Variants in TTC28 observed in about 807,000 individuals in gnomAD.
The protein encoded by TTC28 is tetratricopeptide repeat domain 28.
In TTC28, 61 loss-of-function variants were observed where a neutral mutation model predicts 198.0. The ratio of observed to expected loss-of-function variants is 0.31; its 90% CI spans 0.25 to 0.38. The LOEUF (loss-of-function observed/expected upper bound fraction) is 0.38. Ranked by LOEUF, TTC28 falls within the 10% of genes least tolerant of loss-of-function variation. TTC28 has a pLI of 1.00. For synonymous variants in TTC28, 1,171 were observed against 1,297.8 expected (o/e 0.90, Z 2.10); for missense variants, 2,678 against 3,164.0 (o/e 0.85, Z 3.69).
chr22:28,592,651 T>C (rs1465824195), intron 2 of TTC28, among the ~76,000 whole-genome samples: 1 of 152,154 alleles, frequency 6.6e-6, no homozygotes, highest in Non-Finnish European at 1.5e-5. Context: ...ACCCAGATTT[T>C]TTTCCTCCTC....
At chr22:28,018,306 C>CGCGCGCGCGCACGCGCGCG (rs1451764096) in intron 13 of TTC28, among the ~76,000 whole-genome samples, 2 of 49,194 alleles carry the variant, frequency 4.1e-5, no homozygotes, top group African/African-American at 1.2e-4. Context: ...TGTGCGCGCG[C>CGCGCGCGCGCACGCGCGCG]GGGGGGGGGG....
chr22:28,259,208 G>C (rs1292939186), intron 5 of TTC28, among the ~76,000 whole-genome samples: 2 of 152,030 alleles, frequency 1.3e-5, no homozygotes, highest in East Asian at 3.9e-4. Context: ...TGGACTATGA[G>C]CTCTTCAAGG....
intron 5 of TTC28, among the ~76,000 whole-genome samples, chr22:28,248,663 C>T (rs564584229): frequency 6.6e-6 from 1 of 152,202 alleles, no homozygotes; most frequent in East Asian, 1.9e-4. Context: ...CTTACTCAAG[C>T]AGATAGAAAA....
chr22:28,440,754 T>C (rs140326494), intron 2 of TTC28, among the ~76,000 whole-genome samples: 56 of 152,300 alleles, frequency 3.7e-4, no homozygotes, highest in African/African-American at 1.2e-3. Flanking sequence ...CCAGAAACCA[T>C]GGCAATGATC....
At chr22:28,161,081 T>G (rs1430024329) in intron 6 of TTC28, among the ~76,000 whole-genome samples, 1 of 152,168 alleles carries the variant, frequency 6.6e-6, no homozygotes, top group African/African-American at 2.4e-5. Context: ...CCCAAATATT[T>G]TTATATTAAA....
chr22:27,981,028 AGGAGGCTGGC>A lies in TTC28; in HGVS notation c.*1183_*1192del, dbSNP rs368085777. On this transcript the variant is annotated 3_prime_UTR_variant, in exon 23 of 23. Coordinates refer to ENST00000397906, the MANE Select transcript of TTC28 (RefSeq NM_001145418.2). ...CCAGTCCTTCAGACAGCAGGAGCAC[AGGAGGCTGGC>A]CAGGGCCAAGGTGAGGGCCTGGGGG... 901 of 152,968 alleles carry A rather than the reference AGGAGGCTGGC, an allele frequency of 5.9e-3. 6 individuals carry two copies. Among genetic ancestry groups the A allele is most frequent in the Non-Finnish European group, 8.5e-3 (583 of 68,508 alleles). The allele number at this position is 152,968 out of a possible 1,614,324, so 9.5% of individuals were successfully genotyped here. A position where few individuals can be genotyped will look rare whatever the true frequency, so the allele number is the denominator to read the frequency against.
intron 12 of TTC28, among the ~76,000 whole-genome samples, chr22:28,036,183 T>G (rs1165947633): frequency 6.6e-6 from 1 of 152,202 alleles, no homozygotes; most frequent in African/African-American, 2.4e-5. Flanking sequence ...ATCAACAGAA[T>G]GTACATTCTT....
In TTC28 at chr22:28,014,136, T is replaced by G. The variant is rs1938261321; in HGVS notation, c.4218+112A>C. Reference sequence around the variant, plus strand: ...GAGCGGACTTGTGTTCTGGAAAGCCTCCGGTTGTCTCGGGAGCCCATTTTG... The same window carrying G: ...GAGCGGACTTGTGTTCTGGAAAGCCGCCGGTTGTCTCGGGAGCCCATTTTG... On this transcript the variant is annotated intron_variant, in intron 14 of 22. Transcript: ENST00000397906. The G allele has an allele frequency of 2.3e-6, 3 of 1,326,134 alleles. No homozygotes were observed. In the Admixed American group the frequency reaches 8.8e-5, roughly 39 times the overall value. 82.1% of individuals were successfully genotyped at this position (1,326,134 alleles called of 1,614,324 possible).
intron 2 of TTC28, among the ~76,000 whole-genome samples, chr22:28,504,896 CT>C (rs1211182678): frequency 3.3e-5 from 5 of 151,938 alleles, no homozygotes; most frequent in South Asian, 2.1e-4. Flanking sequence ...TTATACAATT[CT>C]TTTTTTATAT....
At chr22:28,529,360 C>G (rs575394200) in intron 2 of TTC28, among the ~76,000 whole-genome samples, 1 of 152,150 alleles carries the variant, frequency 6.6e-6, no homozygotes, top group East Asian at 1.9e-4. Context: ...GGCTGGGGGA[C>G]GGGCGCCCAC....
At chr22:28,579,969 C>CAAACAA (rs1292867489) in intron 2 of TTC28, among the ~76,000 whole-genome samples, 3 of 151,118 alleles carry the variant, frequency 2.0e-5, no homozygotes, top group Admixed American at 2.0e-4. Flanking sequence ...GACCCTGTCT[C>CAAACAA]AAAACAAAAA....
intron 2 of TTC28, among the ~76,000 whole-genome samples, chr22:28,562,295 T>C (rs2049896871): frequency 6.6e-6 from 1 of 152,242 alleles, no homozygotes; most frequent in Non-Finnish European, 1.5e-5. Context: ...TTCTCCATTA[T>C]AGATGCTTTC....
chr22:28,597,993 G>A (rs1241742279), intron 2 of TTC28, among the ~76,000 whole-genome samples: 1 of 151,876 alleles, frequency 6.6e-6, no homozygotes, highest in Admixed American at 6.6e-5. Context: ...CTCCCAAAGT[G>A]CTGGAATTAC....
intron 5 of TTC28, among the ~76,000 whole-genome samples, chr22:28,208,110 T>C (rs1026851660): frequency 2.0e-5 from 3 of 152,182 alleles, no homozygotes; most frequent in Non-Finnish European, 4.4e-5. Context: ...TCCCACCATT[T>C]TGTAACCTGC....
At chr22:28,161,437 CA>C (rs1921167396) in intron 6 of TTC28, among the ~76,000 whole-genome samples, 2 of 152,138 alleles carry the variant, frequency 1.3e-5, no homozygotes, top group African/African-American at 4.8e-5. Flanking sequence ...TGCTTGAGCC[CA>C]AGAGTTTCAG....
intron 2 of TTC28, among the ~76,000 whole-genome samples, chr22:28,385,560 T>G (rs2046567097): frequency 6.6e-6 from 1 of 151,906 alleles, no homozygotes; most frequent in African/African-American, 2.4e-5. Context: ...AGGATTATCA[T>G]GAGGAGTAAA....
intron 12 of TTC28, among the ~76,000 whole-genome samples, chr22:28,088,715 A>T (rs1941710958): frequency 6.6e-6 from 1 of 152,244 alleles, no homozygotes; most frequent in Non-Finnish European, 1.5e-5. Context: ...CTACCATCAG[A>T]GTGAACAGCC....
At chr22:28,424,420 A>C (rs2146182160) in intron 2 of TTC28, among the ~76,000 whole-genome samples, 1 of 152,286 alleles carries the variant, frequency 6.6e-6, no homozygotes, top group South Asian at 2.1e-4. Context: ...CAAGATTTTT[A>C]CTACATACTT....
chr22:27,982,139 G>T lies in TTC28; in HGVS notation c.*82C>A. ...CATGAGGGTGCTGGTGGCTGTGGGG[G>T]GACTGCACTCAGGGAAGGGCTGAAG... On this transcript the variant is annotated 3_prime_UTR_variant, in exon 23 of 23. Coordinates refer to ENST00000397906, the MANE Select transcript of TTC28 (RefSeq NM_001145418.2). The surrounding 1 kb of genome is among the most constrained non-coding windows in gnomAD (Gnocchi z 5.2). 1.5e-6 allele frequency: 2 copies of T among 1,356,750 alleles called. No homozygotes were observed. The highest frequency in any genetic ancestry group is 2.0e-6 in the Non-Finnish European group (2 of 1,017,596). The allele number at this position is 1,356,750 out of a possible 1,614,324, so 84.0% of individuals were successfully genotyped here.
Sources: gnomAD v4.1 joint callset for allele counts (sites outside exome capture counted in the v4.1 genomes callset) on GRCh38, gnomAD v4.1.1 for gene constraint, Gnocchi (gnomAD v3.1) non-coding constraint, MANE v1.5 for transcripts, NCBI Gene and HGNC (gene_info 2026-07-23, HGNC 2026-07-21) for gene names.